Variants in IFT140 observed in about 807,000 individuals in gnomAD.
The protein encoded by IFT140 is intraflagellar transport 140.
A neutral mutation model predicts 164.6 loss-of-function variants in IFT140; 133 were observed. The ratio of observed to expected loss-of-function variants is 0.81; its 90% confidence interval spans 0.70 to 0.93. The LOEUF (loss-of-function observed/expected upper bound fraction) is 0.93, where lower values mean the gene tolerates loss of function less well. IFT140 is among the 40% of genes least tolerant of loss of function. IFT140 has a pLI of 0.00. For synonymous variants in IFT140, 860 were observed against 817.3 expected (o/e 1.05, Z -0.89); for missense variants, 2,045 against 1,972.3 (o/e 1.04, Z -0.70).
At chr16:1,545,298 G>T (rs960519373) in intron 19 of IFT140, among the ~76,000 whole-genome samples, 14 of 151,958 alleles carry the variant, frequency 9.2e-5, no homozygotes, top group Admixed American at 6.5e-5. Context: ...ACCAGGGCGA[G>T]GGCCAGCAGC....
At chr16:1,522,293 G>A (rs1027615138) in intron 26 of IFT140, among the ~76,000 whole-genome samples, 1 of 152,092 alleles carries the variant, frequency 6.6e-6, no homozygotes, top group Non-Finnish European at 1.5e-5. Context: ...GGAGGCTGAG[G>A]TTGCAGTAAG....
intron 6 of IFT140, 23 bp downstream of exon 6, chr16:1,592,153 G>C (rs762290756): frequency 1.2e-6 from 2 of 1,613,778 alleles, no homozygotes; most frequent in Non-Finnish European, 1.7e-6. Context: ...GGACCCCTGA[G>C]AATCACAACC....
At chr16:1,571,290 C>T (rs534642094) in intron 14 of IFT140, 117 bp downstream of exon 14, 17 of 889,714 alleles carry the variant, frequency 1.9e-5, no homozygotes, top group Middle Eastern at 2.5e-4. Context: ...AGTGGCATGT[C>T]GGTGTTAAAA....
chr16:1,609,528 A>G (rs543452054), intron 2 of IFT140, among the ~76,000 whole-genome samples: 7 of 152,252 alleles, frequency 4.6e-5, no homozygotes, highest in African/African-American at 1.4e-4. Context: ...TTCCCCAGAG[A>G]GCAGGAGGCA....
At position 1,525,939 on chromosome 16, in the gene IFT140, G is replaced by T. The variant is rs755504361; in HGVS notation, c.2716C>A (p.Arg906Ser). 1.3e-6 allele frequency: 2 copies of T among 1,575,910 alleles called. No homozygotes were observed. The change falls in exon 21 of 31, where the codon CGC (arginine) becomes AGC (serine). Residue 906 changes from arginine (R) to serine (S), a missense_variant. Physicochemically the swap from Arg to Ser is moderately radical, Grantham distance 110. Coordinates refer to ENST00000426508, the MANE Select transcript of IFT140 (RefSeq NM_014714.4). ...DRVHLRSTYHRYAGHLEASAD... is the reference protein window; with the variant it reads ...DRVHLRSTYHSYAGHLEASAD... ...CTGGCCTCCAGGTGCCCGGCATAGC[G>T]GTGGTAGGTGCTGCGCAGGTGCACG...
chr16:1,537,711 C>T (rs2031212484), intron 19 of IFT140, among the ~76,000 whole-genome samples: 1 of 152,222 alleles, frequency 6.6e-6, no homozygotes. Context: ...TACGTCATCT[C>T]TCTGTATTTC....
intron 30 of IFT140, among the ~76,000 whole-genome samples, chr16:1,512,314 G>A (rs1018737118): frequency 5.3e-5 from 8 of 152,026 alleles, no homozygotes; most frequent in Non-Finnish European, 4.4e-5. Context: ...GGGTGTGTGC[G>A]GGCTGTGCTC....
Position 1,611,325 on chromosome 16 carries a change from C to T in IFT140, c.-221-472G>A, listed in dbSNP as rs534363951. 2.0e-5 allele frequency among the ~76,000 whole-genome samples: 3 copies of T among 152,098 alleles called. 1 individual carries two copies. The South Asian group carries it at 6.2e-4, about 32-fold the overall frequency. Reference sequence around the variant, plus strand: ...TTCGAGACCAGCCTTGGCAACAAGGCGAGATCCTGTCTCTAAAAAATTACA... The same window carrying T: ...TTCGAGACCAGCCTTGGCAACAAGGTGAGATCCTGTCTCTAAAAAATTACA... On this transcript the variant is annotated intron_variant, in intron 1 of 30. Transcript: ENST00000426508.
intron 13 of IFT140, 95 bp from the exon 14 acceptor site, chr16:1,571,629 A>C: frequency 7.7e-7 from 1 of 1,290,868 alleles, no homozygotes; most frequent in Non-Finnish European, 1.1e-6. Context: ...GATATATTTC[A>C]TGTGAGTTAC....
chr16:1,532,141 C>T (rs2030561413), intron 19 of IFT140: 1 of 152,226 alleles, frequency 6.6e-6, no homozygotes, highest in Admixed American at 6.5e-5. Context: ...CTGGGGACAT[C>T]CCCCCAGGGC....
chr16:1,516,897 C>T, intron 30 of IFT140, among the ~76,000 whole-genome samples: 1 of 151,724 alleles, frequency 6.6e-6, no homozygotes, highest in East Asian at 1.9e-4. Flanking sequence ...ATGGGATTAC[C>T]ATCAGAGTGA....
chr16:1,544,218 C>T (rs1315797771), intron 19 of IFT140, among the ~76,000 whole-genome samples: 5 of 149,384 alleles, frequency 3.3e-5, no homozygotes, highest in Admixed American at 6.7e-5. Context: ...AAGTCTCACT[C>T]TGTCACCCAG....
At chr16:1,526,440 G>T in intron 20 of IFT140, 179 bp downstream of exon 20, 1 of 710,782 alleles carries the variant, frequency 1.4e-6, no homozygotes, top group Non-Finnish European at 2.2e-6. Flanking sequence ...CGGTCGCCTA[G>T]CCTCCACCCA....
chr16:1,541,381 C>A, intron 19 of IFT140: 1 of 985,442 alleles, frequency 1.0e-6, no homozygotes, highest in South Asian at 4.7e-5. Flanking sequence ...TCCTCGGTCC[C>A]AAGTCCCTCA....
Position 1,586,380 on chromosome 16 carries a change from C to G in IFT140, c.1010-105G>C, listed in dbSNP as rs1476706863. On this transcript the variant is annotated intron_variant, in intron 9 of 30. Transcript: ENST00000426508. ...CTTCTTCAAAGCATCAGCCCTCGCC[C>G]AGTCTGGTGCCTCTCCACCTCATCC... 33 of 1,148,744 alleles carry G rather than the reference C, an allele frequency of 2.9e-5. No individual in the cohort carries two copies. In the Admixed American group the frequency reaches 8.1e-4, roughly 28 times the overall value. 71.2% of individuals were successfully genotyped at this position (1,148,744 alleles called of 1,614,324 possible). A position where few individuals can be genotyped will look rare whatever the true frequency, so the allele number is the denominator to read the frequency against.
chr16:1,554,175 T>A (rs1407591323), intron 19 of IFT140: 2 of 1,261,466 alleles, frequency 1.6e-6, no homozygotes, highest in African/African-American at 1.5e-5. Context: ...CCTGGCCCCA[T>A]CTCCGCCCTG....
At chr16:1,547,479 GTC>G (rs2032270852) in intron 19 of IFT140, among the ~76,000 whole-genome samples, 1 of 152,126 alleles carries the variant, frequency 6.6e-6, no homozygotes, top group Non-Finnish European at 1.5e-5. Flanking sequence ...CTTGGGAATC[GTC>G]TCGTGGAAAT....
intron 30 of IFT140, among the ~76,000 whole-genome samples, chr16:1,517,736 C>T (rs980185449): frequency 3.9e-5 from 6 of 152,194 alleles, no homozygotes; most frequent in Admixed American, 3.9e-4. Context: ...GACTCGGGTA[C>T]ATGCAGACAT....
At chr16:1,516,048 G>A (rs2040327232) in intron 30 of IFT140, among the ~76,000 whole-genome samples, 1 of 149,204 alleles carries the variant, frequency 6.7e-6, no homozygotes, top group South Asian at 2.1e-4. Context: ...GCTGAGGCAG[G>A]AGAATCACTT....
Sources: gnomAD v4.1 joint callset for allele counts (sites outside exome capture counted in the v4.1 genomes callset) on GRCh38, gnomAD v4.1.1 for gene constraint, MANE v1.5 for transcripts, NCBI Gene and HGNC (gene_info 2026-07-23, HGNC 2026-07-21) for gene names.